Variants in GCKR observed in about 807,000 individuals in gnomAD.
GCKR encodes glucokinase regulator.
In GCKR, 73 loss-of-function variants were observed where a neutral mutation model predicts 82.9. The ratio of observed to expected loss-of-function variants is 0.88; its 90% CI spans 0.73 to 1.07. GCKR has a LOEUF of 1.07. Ranked by LOEUF, GCKR falls within the 50% of genes least tolerant of loss-of-function variation. The pLI is 0.00. For synonymous variants in GCKR, 294 were observed against 291.8 expected, an observed-to-expected ratio of 1.01 and a Z score of -0.08; for missense variants, 784 against 782.1, an observed-to-expected ratio of 1.00 and a Z score of -0.03.
intron 13 of GCKR, 104 bp downstream of exon 13, chr2:27,507,415 C>A: frequency 1.2e-6 from 1 of 815,660 alleles, no homozygotes; most frequent in Non-Finnish European, 2.2e-6. Context: ...TTGGAATAGA[C>A]GGTCCAGAGA....
chr2:27,504,434 T>G (rs1349777432), intron 9 of GCKR, among the ~76,000 whole-genome samples: 2 of 151,832 alleles, frequency 1.3e-5, no homozygotes. Flanking sequence ...CTTGGCTCAC[T>G]GCAACCTCTG....
At chr2:27,517,042 C>T (rs1002497910) in intron 16 of GCKR, among the ~76,000 whole-genome samples, 56 of 141,542 alleles carry the variant, frequency 4.0e-4, no homozygotes, top group Admixed American at 1.2e-3. Flanking sequence ...AATATGGAGT[C>T]TCATTCTGTC....
intron 16 of GCKR, among the ~76,000 whole-genome samples, chr2:27,515,042 ATC>A (rs1669971005): frequency 6.6e-6 from 1 of 152,074 alleles, no homozygotes; most frequent in Admixed American, 6.6e-5. Flanking sequence ...CAGTGATGTG[ATC>A]TCAGCTCACT....
intron 16 of GCKR, among the ~76,000 whole-genome samples, chr2:27,517,406 T>A (rs1670037538): frequency 6.6e-6 from 1 of 152,028 alleles, no homozygotes; most frequent in South Asian, 2.1e-4. Flanking sequence ...GAAGGGGAAG[T>A]AAGGCATCTT....
intron 16 of GCKR, among the ~76,000 whole-genome samples, chr2:27,512,235 CAA>C (rs60079696): frequency 2.2e-5 from 1 of 46,218 alleles, no homozygotes; most frequent in Non-Finnish European, 3.7e-5. Context: ...GACTCCATCT[CAA>C]AAAAAAAAAA....
intron 16 of GCKR, among the ~76,000 whole-genome samples, chr2:27,511,020 TTTTA>T (rs965733487): frequency 6.6e-6 from 1 of 152,034 alleles, no homozygotes; most frequent in African/African-American, 2.4e-5. Flanking sequence ...TTGATGTTGG[TTTTA>T]TTTATTTGTT....
chr2:27,508,638 A>C (rs1410375096), intron 16 of GCKR, among the ~76,000 whole-genome samples: 1 of 152,050 alleles, frequency 6.6e-6, no homozygotes, highest in East Asian at 1.9e-4. Flanking sequence ...CTCGTGCCTC[A>C]AGTAGCTGGG....
At chr2:27,520,773 C>T (rs985207892) in intron 17 of GCKR, among the ~76,000 whole-genome samples, 12 of 152,084 alleles carry the variant, frequency 7.9e-5, no homozygotes, top group African/African-American at 2.4e-4. Context: ...CGGTGGCTCA[C>T]GCCTGTAATC....
At position 27,523,273 on chromosome 2, in the gene GCKR, T is replaced by C. The variant is rs775266139; in HGVS notation, c.1712T>C (p.Ile571Thr). The C allele has an allele frequency of 5.0e-6, 8 of 1,612,464 alleles. No individual in the cohort carries two copies. The highest frequency in any genetic ancestry group is 5.9e-6 in the Non-Finnish European group (7 of 1,179,654). ...VQVAHEKEQV[I>T]PIALLSLLFR... ...CCCACTGCCTCTTCCCCACAGGTGA[T>C]ACCCATCGCCTTGCTGAGCCTCCTA... The change falls in exon 19 of 19, where the codon ATA becomes ACA. Residue 571 changes from isoleucine to threonine, a missense_variant. By Grantham distance (89) the Ile-to-Thr change is moderately conservative. Transcript: ENST00000264717.
chr2:27,519,494 G>A, intron 17 of GCKR, among the ~76,000 whole-genome samples: 1 of 152,006 alleles, frequency 6.6e-6, no homozygotes, highest in Non-Finnish European at 1.5e-5. Context: ...CAGAGACAGG[G>A]TTTTGCCATG....
At chr2:27,517,636 C>T (rs560429594) in intron 16 of GCKR, among the ~76,000 whole-genome samples, 2 of 152,304 alleles carry the variant, frequency 1.3e-5, no homozygotes, top group South Asian at 4.1e-4. Context: ...CAAAGCCTAA[C>T]CATATCACCA....
In GCKR at chr2:27,508,872, CT is replaced by C. The variant is rs57634090; in HGVS notation, c.1422+633del. 2.7e-3 allele frequency among the ~76,000 whole-genome samples: 398 copies of C among 144,968 alleles called. 2 individuals are homozygous for C. The highest frequency in any genetic ancestry group is 6.3e-3 in the African/African-American group (252 of 39,734). Reference sequence around the variant, plus strand: ...CATTATCCAAAAGCTTTTACCACACCTTTTTTTTTTTTGCAAGTTTACTATG... The same window carrying C: ...CATTATCCAAAAGCTTTTACCACACCTTTTTTTTTTTGCAAGTTTACTATG... On this transcript the variant is annotated intron_variant, in intron 16 of 18. Transcript: ENST00000264717.
chr2:27,508,006 G>C lies in GCKR; in HGVS notation c.1270G>C (p.Glu424Gln), dbSNP rs766023543. The C allele has an allele frequency of 1.9e-6, 3 of 1,613,688 alleles. No individual in the cohort carries two copies. The highest frequency in any genetic ancestry group is 1.7e-6 in the Non-Finnish European group (2 of 1,179,668). ...CCTCACGGAGGTGCAGACTATAGTG[G>C]AGCAGGTGAAAGAGAAGACCAACCA... ...DNLTEVQTIV[E>Q]QVKEKTNHIQ... Residue 424 changes from glutamate (E) to glutamine (Q), a missense_variant, in exon 15 of 19, where the codon GAG (glutamate) becomes CAG (glutamine). Coordinates refer to ENST00000264717, the MANE Select transcript of GCKR (RefSeq NM_001486.4).
At chr2:27,519,665 C>T (rs572365143) in intron 17 of GCKR, among the ~76,000 whole-genome samples, 1 of 152,296 alleles carries the variant, frequency 6.6e-6, no homozygotes, top group African/African-American at 2.4e-5. Context: ...GTAGTGCCAG[C>T]CTGACAATTT....
intron 16 of GCKR, 46 bp downstream of exon 16, chr2:27,508,297 G>A (rs1558438683): frequency 8.2e-7 from 1 of 1,218,442 alleles, no homozygotes; most frequent in East Asian, 2.3e-5. Context: ...GGCTCAGAGG[G>A]TGAGGGATTC....
chr2:27,515,776 T>C (rs866916996), intron 16 of GCKR, among the ~76,000 whole-genome samples: 2 of 145,922 alleles, frequency 1.4e-5, no homozygotes, highest in Non-Finnish European at 3.0e-5. Flanking sequence ...TTTTTTTTTT[T>C]TTTTTGAGAC....
At chr2:27,502,407 G>A (rs1307983452) in intron 8 of GCKR, among the ~76,000 whole-genome samples, 2 of 152,180 alleles carry the variant, frequency 1.3e-5, no homozygotes, top group East Asian at 3.8e-4. Context: ...GATTTTCAGA[G>A]TCATCTGGGA....
chr2:27,517,879 G>C (rs760105550), intron 16 of GCKR, among the ~76,000 whole-genome samples: 11 of 152,170 alleles, frequency 7.2e-5, no homozygotes, highest in African/African-American at 1.2e-4. Context: ...CCTCATCATT[G>C]AATCAGAAGA....
At chr2:27,514,167 G>A (rs1045840715) in intron 16 of GCKR, among the ~76,000 whole-genome samples, 2 of 151,964 alleles carry the variant, frequency 1.3e-5, no homozygotes, top group African/African-American at 4.8e-5. Context: ...GAATAAGGGT[G>A]TGTGTATGTG....
Sources: gnomAD v4.1 joint callset for allele counts (sites outside exome capture counted in the v4.1 genomes callset) on GRCh38, gnomAD v4.1.1 for gene constraint, MANE v1.5 for transcripts, NCBI Gene and HGNC (gene_info 2026-07-23, HGNC 2026-07-21) for gene names.